A1CF: variants seen among roughly 807,000 people sequenced by gnomAD.
A1CF encodes APOBEC1 complementation factor, also known as APOBEC-1 stimulating protein.
In A1CF, 48 loss-of-function variants were observed where a neutral mutation model predicts 68.9. The observed-to-expected ratio is 0.70, with a 90% CI of 0.55 to 0.89. A1CF has a LOEUF of 0.89. Ranked by LOEUF, A1CF falls within the 40% of genes least tolerant of loss-of-function variation. The pLI is 0.00. For synonymous variants in A1CF, 272 were observed against 260.4 expected (o/e 1.04, Z -0.43); for missense variants, 653 against 718.9 (o/e 0.91, Z 1.05).
In A1CF at chr10:50,806,672, CT is replaced by C. The variant is rs201036765; in HGVS notation, c.*56del. ...TGGGGACCGAGTTAGAGGTTTATTT[CT>C]TTTTTTTTTTTAATAGAGTTTTGTG... On this transcript the variant is annotated 3_prime_UTR_variant, in exon 13 of 13. Coordinates refer to ENST00000373997, the MANE Select transcript of A1CF (RefSeq NM_014576.4). 113,296 of 936,302 alleles carry C rather than the reference CT, an allele frequency of 0.12. 61 individuals are homozygous for C. The highest frequency in any genetic ancestry group is 0.16 in the East Asian group (4,216 of 26,678). The allele number at this position is 936,302 out of a possible 1,614,324, so 58.0% of individuals were successfully genotyped here. A position where few individuals can be genotyped will look rare whatever the true frequency, so the allele number is the denominator to read the frequency against.
chr10:50,877,383 T>A (rs923459289), intron 1 of A1CF, among the ~76,000 whole-genome samples: 3 of 152,216 alleles, frequency 2.0e-5, no homozygotes, highest in African/African-American at 7.2e-5. Context: ...CCTTCTGAAC[T>A]TAGTTGCTGC....
chr10:50,831,467 A>G (rs7089139), intron 6 of A1CF, among the ~76,000 whole-genome samples: 7,832 of 152,218 alleles, frequency 0.051, 657 homozygotes, highest in African/African-American at 0.17. Context: ...GGTGGCTCAC[A>G]CCTGTAATCC....
At chr10:50,832,439 T>C (rs1207035868) in intron 6 of A1CF, among the ~76,000 whole-genome samples, 2 of 152,178 alleles carry the variant, frequency 1.3e-5, no homozygotes, top group Non-Finnish European at 2.9e-5. Context: ...AATTCTAAAA[T>C]GCAGCCACAG....
At chr10:50,850,672 AGCAAAGTTT>A (rs1407665475) in intron 3 of A1CF, 11 of 1,613,864 alleles carry the variant, frequency 6.8e-6, no homozygotes, top group Non-Finnish European at 9.3e-6. Flanking sequence ...TACCTTTTCC[AGCAAAGTTT>A]GCAAAATGAT....
chr10:50,857,949 C>CGATACCT (rs1425993149), intron 3 of A1CF, among the ~76,000 whole-genome samples: 2 of 152,144 alleles, frequency 1.3e-5, no homozygotes, highest in Non-Finnish European at 2.9e-5. Context: ...TCACAAGCTT[C>CGATACCT]GATACCTGTC....
At chr10:50,830,104 A>G (rs1010436686) in intron 6 of A1CF, among the ~76,000 whole-genome samples, 15 of 152,266 alleles carry the variant, frequency 9.9e-5, no homozygotes, top group Non-Finnish European at 1.2e-4. Context: ...TACATTAACT[A>G]TAGTCATATT....
rs112502101 is a variant in A1CF at position 50,820,208 on chromosome 10, C to T, written c.867+344G>A. Among the ~76,000 whole-genome samples, 467 of 152,244 alleles carry T rather than the reference C, an allele frequency of 3.1e-3. 2 individuals carry two copies. The highest frequency in any genetic ancestry group is 0.011 in the African/African-American group (458 of 41,562). On this transcript the variant is annotated intron_variant, in intron 8 of 12. Coordinates refer to ENST00000373997, the MANE Select transcript of A1CF (RefSeq NM_014576.4). ...TTTTAATTCATCAGCTTCTAAAATACTGCACTAAAATGATGATAATCTCTT... is the reference window on the plus strand; with the variant it reads ...TTTTAATTCATCAGCTTCTAAAATATTGCACTAAAATGATGATAATCTCTT...
chr10:50,873,109 C>T (rs575277782), intron 1 of A1CF, among the ~76,000 whole-genome samples: 39 of 151,884 alleles, frequency 2.6e-4, no homozygotes, highest in African/African-American at 9.2e-4. Flanking sequence ...ATGTGTGCCA[C>T]TATGCCTGGC....
intron 6 of A1CF, among the ~76,000 whole-genome samples, chr10:50,830,501 A>C (rs1391955239): frequency 6.6e-6 from 1 of 152,240 alleles, no homozygotes; most frequent in Non-Finnish European, 1.5e-5. Flanking sequence ...ACAGAAATCA[A>C]GAAAACAATC....
At chr10:50,812,075 A>C (rs1588965041) in intron 10 of A1CF, among the ~76,000 whole-genome samples, 1 of 152,078 alleles carries the variant, frequency 6.6e-6, no homozygotes, top group Admixed American at 6.5e-5. Flanking sequence ...TAATTTGTAG[A>C]TTGTTACTGT....
intron 1 of A1CF, among the ~76,000 whole-genome samples, chr10:50,879,759 A>G (rs1304445354): frequency 6.6e-6 from 1 of 152,218 alleles, no homozygotes; most frequent in African/African-American, 2.4e-5. Flanking sequence ...TAAGGATTAC[A>G]ATTCAAGATG....
chr10:50,855,510 C>G (rs4459236), intron 3 of A1CF, among the ~76,000 whole-genome samples: 34,794 of 151,786 alleles, frequency 0.23, 4,661 homozygotes, highest in East Asian at 0.45. Context: ...CATTATATCT[C>G]TTTTTTCTCT....
At chr10:50,832,286 G>A (rs1337263276) in intron 6 of A1CF, among the ~76,000 whole-genome samples, 2 of 152,192 alleles carry the variant, frequency 1.3e-5, no homozygotes, top group African/African-American at 2.4e-5. Flanking sequence ...ACTGGCAAAT[G>A]CTACAAATCA....
chr10:50,824,060 AT>A (rs943922714), intron 7 of A1CF: 5 of 150,538 alleles, frequency 3.3e-5, no homozygotes, highest in Non-Finnish European at 7.4e-5. Context: ...TGAAATTCAT[AT>A]TTTTTTTTGC....
At chr10:50,883,103 A>G (rs1411376162) in intron 1 of A1CF, among the ~76,000 whole-genome samples, 1 of 152,190 alleles carries the variant, frequency 6.6e-6, no homozygotes, top group Non-Finnish European at 1.5e-5. Context: ...ATTAATCAAA[A>G]TTTTTTATGT....
chr10:50,847,797 G>T (rs1322769268), intron 3 of A1CF, among the ~76,000 whole-genome samples: 1 of 152,080 alleles, frequency 6.6e-6, no homozygotes, highest in Non-Finnish European at 1.5e-5. Context: ...TGATGCAAAA[G>T]CCACAAATGG....
chr10:50,865,281 C>G (rs752901126), intron 1 of A1CF, among the ~76,000 whole-genome samples: 10 of 147,840 alleles, frequency 6.8e-5, no homozygotes, highest in Non-Finnish European at 1.3e-4. Flanking sequence ...ACTACTACTG[C>G]TGCTGCTGCT....
intron 9 of A1CF, among the ~76,000 whole-genome samples, chr10:50,815,037 A>G (rs929241837): frequency 1.3e-5 from 2 of 152,220 alleles, no homozygotes; most frequent in Non-Finnish European, 2.9e-5. Flanking sequence ...ACTGAAAAGT[A>G]GTAAAACATA....
chr10:50,834,988 C>A (rs1408810929), intron 6 of A1CF, among the ~76,000 whole-genome samples: 1 of 152,154 alleles, frequency 6.6e-6, no homozygotes, highest in Non-Finnish European at 1.5e-5. Flanking sequence ...GGTATGCCCC[C>A]ATGAGGAGTC....
Sources: allele counts gnomAD v4.1 joint callset (sites outside exome capture counted in the v4.1 genomes callset), GRCh38; gene constraint gnomAD v4.1.1; transcripts MANE v1.5; gene names NCBI Gene and HGNC (gene_info 2026-07-23, HGNC 2026-07-21).